ESF1: variants seen among roughly 807,000 people sequenced by gnomAD.
The protein encoded by ESF1 is ESF1 homolog.
In ESF1, 58 loss-of-function variants were observed where a neutral mutation model predicts 92.0. The observed-to-expected ratio is 0.63, with a 90% confidence interval of 0.51 to 0.78. ESF1 has a LOEUF of 0.78. Ranked by LOEUF, ESF1 falls within the 30% of genes least tolerant of loss-of-function variation. The pLI, the probability that ESF1 is intolerant of heterozygous loss-of-function variation, is 0.00. For synonymous variants in ESF1, 321 were observed against 313.7 expected (o/e 1.02, Z -0.24); for missense variants, 922 against 989.1 (o/e 0.93, Z 0.91).
At chr20:13,729,422 T>C (rs2049926853) in intron 10 of ESF1, among the ~76,000 whole-genome samples, 1 of 152,022 alleles carries the variant, frequency 6.6e-6, no homozygotes, top group African/African-American at 2.4e-5. Flanking sequence ...GACAAATACA[T>C]AAATAAAAAT....
At chr20:13,717,230 G>A (rs973413224) in intron 13 of ESF1, 138 bp downstream of exon 13, 2 of 1,038,386 alleles carry the variant, frequency 1.9e-6, no homozygotes, top group Non-Finnish European at 2.8e-6. Context: ...AAAGTGTTGG[G>A]ATTATAGGCG....
chr20:13,780,491 C>T (rs1386887750), intron 2 of ESF1, among the ~76,000 whole-genome samples: 1 of 152,148 alleles, frequency 6.6e-6, no homozygotes, highest in Non-Finnish European at 1.5e-5. Flanking sequence ...TGCCTGGTTC[C>T]ACTACAAATG....
intron 4 of ESF1, among the ~76,000 whole-genome samples, chr20:13,773,480 A>T (rs1451843909): frequency 4.0e-5 from 6 of 151,228 alleles, no homozygotes; most frequent in Non-Finnish European, 5.9e-5. Context: ...TTGACTTTTA[A>T]TTTTTTTTTC....
At chr20:13,776,418 AT>A in intron 2 of ESF1, 148 bp from the exon 3 acceptor site, 1 of 763,716 alleles carries the variant, frequency 1.3e-6, no homozygotes, top group Non-Finnish European at 2.0e-6. Flanking sequence ...TGCTTAGTCA[AT>A]TTTTATGATA....
intron 11 of ESF1, among the ~76,000 whole-genome samples, chr20:13,724,087 G>C (rs899323161): frequency 1.3e-5 from 2 of 152,288 alleles, no homozygotes; most frequent in East Asian, 1.9e-4. Flanking sequence ...CTGAAGTCAG[G>C]AGTTCAAGAC....
intron 1 of ESF1, among the ~76,000 whole-genome samples, chr20:13,783,919 C>A (rs1980439132): frequency 6.6e-6 from 1 of 152,248 alleles, no homozygotes; most frequent in Non-Finnish European, 1.5e-5. Context: ...CTACTGCCAA[C>A]AAACAGCCTT....
chr20:13,767,417 A>T (rs750545650), intron 7 of ESF1, among the ~76,000 whole-genome samples: 13 of 151,902 alleles, frequency 8.6e-5, no homozygotes, highest in Non-Finnish European at 1.8e-4. Flanking sequence ...GCTACTTGGG[A>T]GGCTGAGGCA....
intron 9 of ESF1, among the ~76,000 whole-genome samples, chr20:13,746,340 A>T (rs2050048479): frequency 6.6e-6 from 1 of 152,200 alleles, no homozygotes; most frequent in East Asian, 1.9e-4. Flanking sequence ...TCTTTAATCT[A>T]TGACTTTTTC....
rs1428388064 is a variant in ESF1, at chr20:13,715,092, A to T, written c.2338T>A (p.Phe780Ile). 1.9e-6 allele frequency: 3 copies of T among 1,613,868 alleles called. No homozygotes were observed. The highest frequency in any genetic ancestry group is 2.5e-6 in the Non-Finnish European group (3 of 1,179,996). ...TTTTCCATAGCTTTTGTTTTCTTGA[A>T]ATTGGGATCTGAGGGGTCCAAATTG... The part of the protein sequence containing the change: ...LFNLDPSDPN[F>I]KKTKAMEKIL... The change falls in exon 14 of 14, where the codon TTC becomes ATC. Residue 780 changes from phenylalanine to isoleucine, a missense_variant. Physicochemically the swap from Phe to Ile is conservative, Grantham distance 21. Coordinates refer to ENST00000617257, the MANE Select transcript of ESF1 (RefSeq NM_001276380.2).
At position 13,772,531 on chromosome 20, in the gene ESF1, C is replaced by T. The variant is rs777527024; in HGVS notation, c.1234G>A (p.Ala412Thr). The T allele has an allele frequency of 1.2e-6, 2 of 1,610,534 alleles. No homozygotes were observed. Among genetic ancestry groups the T allele is most frequent in the East Asian group, 2.2e-5 (1 of 44,796 alleles). Residue 412 changes from alanine to threonine, a missense_variant, in exon 5 of 14, where the codon GCC becomes ACC. Coordinates refer to ENST00000617257, the MANE Select transcript of ESF1 (RefSeq NM_001276380.2). Reference sequence around the variant, plus strand: ...ATTTAATACCAGTCTTTTTCTGGGGCATCTTCAGGAATACTTAATAGCTCT... The same window carrying T: ...ATTTAATACCAGTCTTTTTCTGGGGTATCTTCAGGAATACTTAATAGCTCT... ...PVELLSIPED[A>T]PEKDWTSREK...
In ESF1 at chr20:13,714,991, ACT is replaced by A. The variant is rs778282376; in HGVS notation, c.2437_2438del (p.Ser813Ter). ...TCCTTTGTGATTCCTTTTCAATCTC[ACT>A]CTCTTTTTTCTTTATTGCCTGAGTA... is the stretch of plus-strand genomic sequence containing the variant. Reference protein sequence around the residue: ...ELTQAIKKKESEIEKESQRKS... With the variant: ...ELTQAIKKKEXEIEKESQRKS... On this transcript the variant is annotated frameshift_variant, in exon 14 of 14. Coordinates refer to ENST00000617257, the MANE Select transcript of ESF1 (RefSeq NM_001276380.2). LOFTEE classifies it high-confidence loss of function. 3.5e-5 allele frequency: 57 copies of A among 1,613,542 alleles called. No homozygotes were observed. The highest frequency in any genetic ancestry group is 4.4e-5 in the Non-Finnish European group (52 of 1,179,846).
At chr20:13,760,287 C>T (rs1380366664) in intron 8 of ESF1, among the ~76,000 whole-genome samples, 2 of 151,378 alleles carry the variant, frequency 1.3e-5, no homozygotes, top group Non-Finnish European at 2.9e-5. Context: ...TCTGCCCGGC[C>T]GTCATCCTAT....
At chr20:13,770,075 GT>G in intron 6 of ESF1, 54 bp from the exon 7 acceptor site, 2 of 1,005,718 alleles carry the variant, frequency 2.0e-6, no homozygotes, top group Non-Finnish European at 3.0e-6. Context: ...GATAACCACA[GT>G]TTAGATTCTC....
At chr20:13,756,496 T>C (rs1040282506) in intron 9 of ESF1, among the ~76,000 whole-genome samples, 3 of 152,200 alleles carry the variant, frequency 2.0e-5, no homozygotes, top group Admixed American at 6.5e-5. Context: ...AGAAAGCAAT[T>C]TGGCAATAAC....
In ESF1 at chr20:13,728,476, G is replaced by A; in HGVS notation, c.1951-11C>T. On this transcript the variant is annotated splice_polypyrimidine_tract_variant and intron_variant, in intron 10 of 13. Coordinates refer to ENST00000617257, the MANE Select transcript of ESF1 (RefSeq NM_001276380.2). ...CTCTTCAGCAAGAGCCTTAAAAGTTGAATATAAAAATACAAAATTTCATTA... is the reference window on the plus strand; with the variant it reads ...CTCTTCAGCAAGAGCCTTAAAAGTTAAATATAAAAATACAAAATTTCATTA... 1.3e-6 allele frequency: 2 copies of A among 1,573,772 alleles called. No homozygotes were observed. The highest frequency in any genetic ancestry group is 1.7e-6 in the Non-Finnish European group (2 of 1,159,280).
chr20:13,715,316 G>C lies in ESF1; in HGVS notation c.2263-149C>G, dbSNP rs2049817175. On this transcript the variant is annotated intron_variant, in intron 13 of 13. Coordinates refer to ENST00000617257, the MANE Select transcript of ESF1 (RefSeq NM_001276380.2). ...GTTTGTACTGATTCATTAGGAAACT[G>C]TTTTTCCATAGCTCTTTATGGCCTA... 4 of 742,940 alleles carry C rather than the reference G, an allele frequency of 5.4e-6. No homozygotes were observed. In the South Asian group the frequency reaches 1.5e-4, roughly 28 times the overall value. The allele number at this position is 742,940 out of a possible 1,614,324, so 46.0% of individuals were successfully genotyped here.
intron 2 of ESF1, among the ~76,000 whole-genome samples, chr20:13,781,738 C>G (rs1181197486): frequency 6.6e-6 from 1 of 152,222 alleles, no homozygotes; most frequent in African/African-American, 2.4e-5. Context: ...AGCGACAGCC[C>G]TGAGATGGGT....
At chr20:13,743,087 T>C (rs892377707) in intron 9 of ESF1, among the ~76,000 whole-genome samples, 1 of 152,210 alleles carries the variant, frequency 6.6e-6, no homozygotes, top group African/African-American at 2.4e-5. Flanking sequence ...TTATAAGTTA[T>C]ATAAAACTAT....
rs764916135 is a variant in ESF1 at position 13,715,073 on chromosome 20, A to T, written c.2357T>A (p.Met786Lys). The change falls in exon 14 of 14, where the codon ATG (methionine) becomes AAG (lysine). Residue 786 changes from methionine (M) to lysine (K), a missense_variant. By Grantham distance (95) the Met-to-Lys change is moderately conservative (BLOSUM62 -1). Coordinates refer to ENST00000617257, the MANE Select transcript of ESF1 (RefSeq NM_001276380.2). ...SDPNFKKTKA[M>K]EKILEEKARQ... is the part of the protein sequence containing the mutation. Reference sequence around the variant, plus strand: ...GGCCTTCTCCTCAAGGATTTTTTCCATAGCTTTTGTTTTCTTGAAATTGGG... The same window carrying T: ...GGCCTTCTCCTCAAGGATTTTTTCCTTAGCTTTTGTTTTCTTGAAATTGGG... The T allele has an allele frequency of 4.3e-6, 7 of 1,613,716 alleles. No individual in the cohort carries two copies. The South Asian group carries it at 7.7e-5, about 18-fold the overall frequency.
Sources: allele counts gnomAD v4.1 joint callset (sites outside exome capture counted in the v4.1 genomes callset), GRCh38; gene constraint gnomAD v4.1.1; transcripts MANE v1.5; gene names NCBI Gene and HGNC (gene_info 2026-07-23, HGNC 2026-07-21).